The following SPRR4 variants were observed in gnomAD, a reference collection of about 807,000 sequenced individuals.
The protein encoded by SPRR4 is small proline rich protein 4.
For missense variants in SPRR4, 106 were observed against 91.6 expected (o/e 1.16, Z -0.64); for synonymous variants, 30 against 34.3 (o/e 0.87, Z 0.44).
chr1:152,971,111 C>T (rs1455315548), intron 1 of SPRR4, among the ~76,000 whole-genome samples: 1 of 152,136 alleles, frequency 6.6e-6, no homozygotes, highest in East Asian at 1.9e-4. Flanking sequence ...CTATGCAGCT[C>T]TCATGCTTCC....
chr1:152,969,771 T>C (rs1038670348), upstream of SPRR4, among the ~76,000 whole-genome samples: 1 of 152,242 alleles, frequency 6.6e-6, no homozygotes, highest in African/African-American at 2.4e-5. Flanking sequence ...ACTTATACTT[T>C]TAAAATATTC....
At chr1:152,971,345 T>G (rs1408219892) in intron 1 of SPRR4, among the ~76,000 whole-genome samples, 2 of 152,082 alleles carry the variant, frequency 1.3e-5, no homozygotes, top group Non-Finnish European at 2.9e-5. Flanking sequence ...CTAGAACCAA[T>G]GTCTGAGCCT....
chr1:152,970,275 G>A (rs935638461), upstream of SPRR4, among the ~76,000 whole-genome samples: 1 of 152,172 alleles, frequency 6.6e-6, no homozygotes, highest in Admixed American at 6.5e-5. Flanking sequence ...TGCAGAAAAA[G>A]GGATGTTCAC....
Position 152,972,054 on chromosome 1 carries a change from C to A in SPRR4, c.164C>A (p.Pro55Gln). The A allele has an allele frequency of 6.2e-7, 1 of 1,614,114 alleles. No individual in the cohort carries two copies. The highest frequency in any genetic ancestry group is 1.1e-5 in the South Asian group (1 of 91,054). Residue 55 changes from proline (P) to glutamine (Q), a missense_variant, in exon 2 of 2, where the codon CCA becomes CAA. Pro to Gln is a moderately conservative substitution (Grantham distance 76). Transcript: ENST00000328051. ...GCTCCCCAGGTCAAGAAGCAATGCC[C>A]ACCGAAAGGCACCATCATTCCAGCC... Reference protein sequence around the residue: ...PCAPQVKKQCPPKGTIIPAQQ... With the variant: ...PCAPQVKKQCQPKGTIIPAQQ...
upstream of SPRR4, among the ~76,000 whole-genome samples, chr1:152,968,782 C>T (rs973423378): frequency 6.6e-6 from 1 of 152,180 alleles, no homozygotes; most frequent in African/African-American, 2.4e-5. Context: ...TTGCAGTAAA[C>T]CCACATGGGT....
At chr1:152,969,446 T>G (rs1472916944), upstream of SPRR4, among the ~76,000 whole-genome samples, 1 of 152,212 alleles carries the variant, frequency 6.6e-6, no homozygotes, top group African/African-American at 2.4e-5. Flanking sequence ...TCCTATCATT[T>G]CTCAGGCCAT....
Position 152,972,259 on chromosome 1 carries a change from G to T in SPRR4, c.*129G>T, listed in dbSNP as rs1651872991. 1 of 1,418,898 alleles carries T rather than the reference G, an allele frequency of 7.0e-7. No individual in the cohort carries two copies. Among genetic ancestry groups the T allele is most frequent in the Admixed American group, 2.3e-5 (1 of 43,662 alleles). 87.9% of individuals were successfully genotyped at this position (1,418,898 alleles called of 1,614,324 possible). A position where few individuals can be genotyped will look rare whatever the true frequency, so the allele number is the denominator to read the frequency against. On this transcript the variant is annotated 3_prime_UTR_variant, in exon 2 of 2. Transcript: ENST00000328051. ...ACATCTCCTCCTGCCCAAGATGTAA[G>T]GAAGCATTGTAAGGATTTCTTCCCA...
At chr1:152,969,672 A>T (rs1651774719), upstream of SPRR4, among the ~76,000 whole-genome samples, 1 of 152,240 alleles carries the variant, frequency 6.6e-6, no homozygotes, top group South Asian at 2.1e-4. Flanking sequence ...TGTATTTAGC[A>T]AATAAAAATA....
chr1:152,971,784 C>T, intron 1 of SPRR4, 87 bp from the exon 2 acceptor site: 3 of 1,508,576 alleles, frequency 2.0e-6, no homozygotes, highest in Non-Finnish European at 2.7e-6. Context: ...AATGTCTGGG[C>T]TACTTTTTAA....
chr1:152,970,273 A>T (rs1651792736), upstream of SPRR4, among the ~76,000 whole-genome samples: 1 of 152,178 alleles, frequency 6.6e-6, no homozygotes, highest in Non-Finnish European at 1.5e-5. Flanking sequence ...TTTGCAGAAA[A>T]AGGGATGTTC....
At chr1:152,969,658 T>G (rs1462781294), upstream of SPRR4, among the ~76,000 whole-genome samples, 1 of 152,210 alleles carries the variant, frequency 6.6e-6, no homozygotes, top group Non-Finnish European at 1.5e-5. Flanking sequence ...CTGAGTAGGA[T>G]TGCTGTATTT....
In SPRR4 at chr1:152,972,252, G is replaced by C; in HGVS notation, c.*122G>C. On this transcript the variant is annotated 3_prime_UTR_variant, in exon 2 of 2. Transcript: ENST00000328051. ...TCCTCTCACATCTCCTCCTGCCCAAGATGTAAGGAAGCATTGTAAGGATTT... is the reference window on the plus strand; with the variant it reads ...TCCTCTCACATCTCCTCCTGCCCAACATGTAAGGAAGCATTGTAAGGATTT... 1 of 1,439,480 alleles carries C rather than the reference G, an allele frequency of 6.9e-7. No homozygotes were observed. The highest frequency in any genetic ancestry group is 1.4e-5 in the South Asian group (1 of 72,842). The allele number at this position is 1,439,480 out of a possible 1,614,324, so 89.2% of individuals were successfully genotyped here.
Position 152,972,338 on chromosome 1 carries a change from G to A in SPRR4, c.*208G>A. The stretch of plus-strand genomic sequence containing the variant: ...GGCTTCTTCTATATCCCACCCCGAT[G>A]CTCTCCCAGGTGGGTGTGAGAGAGA... On this transcript the variant is annotated 3_prime_UTR_variant, in exon 2 of 2. Coordinates refer to ENST00000328051, the MANE Select transcript of SPRR4 (RefSeq NM_173080.3). The A allele has an allele frequency of 2.6e-6, 2 of 777,044 alleles. No homozygotes were observed. Among genetic ancestry groups the A allele is most frequent in the Non-Finnish European group, 4.1e-6 (2 of 490,676 alleles). 48.1% of individuals were successfully genotyped at this position (777,044 alleles called of 1,614,324 possible).
intron 1 of SPRR4, 107 bp from the exon 2 acceptor site, chr1:152,971,764 G>C: frequency 7.0e-7 from 1 of 1,421,114 alleles, no homozygotes; most frequent in Non-Finnish European, 9.5e-7. Flanking sequence ...GGCATGCTTT[G>C]ACCTTGTAAA....
Position 152,971,882 on chromosome 1 carries a change from C to A in SPRR4, c.-9C>A. 1.2e-6 allele frequency: 2 copies of A among 1,613,990 alleles called. 1 individual carries two copies. Among genetic ancestry groups the A allele is most frequent in the South Asian group, 2.2e-5 (2 of 91,052 alleles). On this transcript the variant is annotated 5_prime_UTR_variant, in exon 2 of 2. Transcript: ENST00000328051. The stretch of plus-strand genomic sequence containing the variant: ...CCGGTTTCCTTTAGGCTCACCTGTT[C>A]CTAGAGCAATGTCTTCCCAGCAGCA...
intron 1 of SPRR4, among the ~76,000 whole-genome samples, chr1:152,970,967 C>A (rs1264041451): frequency 1.3e-5 from 2 of 152,196 alleles, no homozygotes; most frequent in Admixed American, 1.3e-4. Flanking sequence ...ATATTTAGAG[C>A]TACAGGATTT....
Position 152,972,199 on chromosome 1 carries a change from C to T in SPRR4, c.*69C>T, listed in dbSNP as rs1651870902. 1 of 1,591,900 alleles carries T rather than the reference C, an allele frequency of 6.3e-7. No homozygotes were observed. Among genetic ancestry groups the T allele is most frequent in the Non-Finnish European group, 8.6e-7 (1 of 1,167,920 alleles). ...ATGGAACCTTCTCTTCTTCCTTCTC[C>T]TCTTCCCTCCAGCTCTTGAGCCTAC... On this transcript the variant is annotated 3_prime_UTR_variant, in exon 2 of 2. Transcript: ENST00000328051.
rs368231192 is a variant in SPRR4, at chr1:152,971,858, C to A, written c.-20-13C>A. On this transcript the variant is annotated splice_polypyrimidine_tract_variant and intron_variant, in intron 1 of 1. Coordinates refer to ENST00000328051, the MANE Select transcript of SPRR4 (RefSeq NM_173080.3). Reference sequence around the variant, plus strand: ...ACACCCTTCTCATGGTGTCCCTGCCCGGTTTCCTTTAGGCTCACCTGTTCC... The same window carrying A: ...ACACCCTTCTCATGGTGTCCCTGCCAGGTTTCCTTTAGGCTCACCTGTTCC... 6.2e-7 allele frequency: 1 copy of A among 1,611,844 alleles called. No homozygotes were observed. The highest frequency in any genetic ancestry group is 8.5e-7 in the Non-Finnish European group (1 of 1,178,552).
At chr1:152,970,060 C>T (rs1651786341), upstream of SPRR4, among the ~76,000 whole-genome samples, 1 of 152,188 alleles carries the variant, frequency 6.6e-6, no homozygotes, top group Admixed American at 6.5e-5. Flanking sequence ...ATGAGTGGTA[C>T]CTGGGGCTAG....
Sources: gnomAD v4.1 joint callset for allele counts (sites outside exome capture counted in the v4.1 genomes callset) on GRCh38, gnomAD v4.1.1 for gene constraint, MANE v1.5 for transcripts, NCBI Gene and HGNC (gene_info 2026-07-23, HGNC 2026-07-21) for gene names.